The following USP25 variants were observed in gnomAD, a reference collection of about 807,000 sequenced individuals.
The protein encoded by USP25 is ubiquitin specific peptidase 25, also known as ubiquitin carboxyl-terminal hydrolase 25.
A neutral mutation model predicts 158.5 loss-of-function variants in USP25; 85 were observed. That is an observed-to-expected ratio of 0.54 (90% CI 0.45 to 0.64). The LOEUF (loss-of-function observed/expected upper bound fraction) is 0.64. USP25 is among the 30% of genes least tolerant of loss of function. The probability of loss-of-function intolerance (pLI) is 0.00; values close to 1 mark genes in which losing one functional copy is unlikely to be tolerated. For synonymous variants in USP25, 464 were observed against 460.4 expected (o/e 1.01, Z -0.10); for missense variants, 1,242 against 1,327.3 (o/e 0.94, Z 1.00).
intron 5 of USP25, among the ~76,000 whole-genome samples, chr21:15,792,344 G>A (rs1170421170): frequency 1.3e-5 from 2 of 150,900 alleles, no homozygotes; most frequent in African/African-American, 4.9e-5. Flanking sequence ...TATCATTCTC[G>A]GTTGACATTG....
chr21:15,747,820 G>A (rs185078822), intron 1 of USP25, among the ~76,000 whole-genome samples: 101 of 152,208 alleles, frequency 6.6e-4, no homozygotes, highest in Non-Finnish European at 1.3e-3. Flanking sequence ...TTTGGACTAC[G>A]CTTGATCATT....
At chr21:15,803,064 C>G (rs1018675267) in intron 6 of USP25, among the ~76,000 whole-genome samples, 2 of 151,624 alleles carry the variant, frequency 1.3e-5, no homozygotes, top group African/African-American at 4.8e-5. Flanking sequence ...TCAAAGCTCA[C>G]TAGTGAAGAA....
At chr21:15,845,158 T>C (rs892028996) in intron 18 of USP25, among the ~76,000 whole-genome samples, 1 of 152,200 alleles carries the variant, frequency 6.6e-6, no homozygotes, top group African/African-American at 2.4e-5. Flanking sequence ...GGCACATTAA[T>C]GTGGCCGTGG....
chr21:15,783,620 A>G (rs747434932), intron 4 of USP25, among the ~76,000 whole-genome samples: 6 of 152,112 alleles, frequency 3.9e-5, no homozygotes, highest in Non-Finnish European at 8.8e-5. Context: ...ATAAAAATAA[A>G]AACTGTCAGC....
At chr21:15,850,348 C>A (rs2038830256) in intron 20 of USP25, among the ~76,000 whole-genome samples, 1 of 151,554 alleles carries the variant, frequency 6.6e-6, no homozygotes, top group African/African-American at 2.4e-5. Flanking sequence ...TATGTTTCCC[C>A]ATAATTAATT....
Position 15,818,826 on chromosome 21 carries a change from T to A in USP25, c.1060T>A (p.Ser354Thr). The A allele has an allele frequency of 6.2e-7, 1 of 1,613,748 alleles. No individual in the cohort carries two copies. The highest frequency in any genetic ancestry group is 2.2e-5 in the East Asian group (1 of 44,830). The change falls in exon 10 of 26, where the codon TCA becomes ACA. Residue 354 changes from serine (S) to threonine (T), a missense_variant. Physicochemically the swap from Ser to Thr is moderately conservative, Grantham distance 58. Around this residue, in one of 3 missense-constraint regions of USP25, gnomAD observed 627 missense variants for 701.4 expected, o/e 0.89. Transcript: ENST00000400183. ...AATTGAGTCTTTACATTCAGAGAAT[T>A]CAGGAAAATCAGGCCAAGAGGTGAG... is the stretch of plus-strand genomic sequence containing the variant. ...GEIESLHSEN[S>T]GKSGQEHWFT...
At chr21:15,834,040 T>C (rs184802798) in intron 17 of USP25, among the ~76,000 whole-genome samples, 4 of 152,326 alleles carry the variant, frequency 2.6e-5, no homozygotes, top group African/African-American at 9.6e-5. Context: ...TTGATGTTTT[T>C]CGGAATTCTT....
At chr21:15,825,140 G>A in intron 12 of USP25, 79 bp downstream of exon 12, 1 of 1,098,248 alleles carries the variant, frequency 9.1e-7, no homozygotes, top group Non-Finnish European at 1.3e-6. Context: ...TTTCAAATTT[G>A]CTTTGAGTGA....
At position 15,789,814 on chromosome 21, in the gene USP25, A is replaced by G. The variant is rs140356398; in HGVS notation, c.393-1688A>G. Among the ~76,000 whole-genome samples the G allele has an allele frequency of 5.3e-4, 81 of 152,218 alleles. No individual in the cohort carries two copies. The East Asian group carries it at 0.015, about 28-fold the overall frequency. On this transcript the variant is annotated intron_variant, in intron 4 of 25. Transcript: ENST00000400183. ...ATTACAAAAGGAACAAAATTTTCAA[A>G]TGAGAATACTGCCATTTATAAAAGT...
In USP25 at chr21:15,846,388, C is replaced by T. The variant is rs116093797; in HGVS notation, c.2338-1275C>T. 2.3e-3 allele frequency among the ~76,000 whole-genome samples: 356 copies of T among 151,614 alleles called. 5 individuals are homozygous for T. Among genetic ancestry groups the T allele is most frequent in the African/African-American group, 8.3e-3 (345 of 41,368 alleles). On this transcript the variant is annotated intron_variant, in intron 18 of 25. Transcript: ENST00000400183. Reference sequence around the variant, plus strand: ...TGTTGGCTAGGCTGATCTCCAGCTACTGACCTCAAGTGATACGCCCATCTT... The same window carrying T: ...TGTTGGCTAGGCTGATCTCCAGCTATTGACCTCAAGTGATACGCCCATCTT...
At chr21:15,839,497 A>T (rs986268396) in intron 17 of USP25, among the ~76,000 whole-genome samples, 1 of 152,188 alleles carries the variant, frequency 6.6e-6, no homozygotes, top group African/African-American at 2.4e-5. Context: ...TGTTACATTG[A>T]ATAGAGAGTA....
chr21:15,834,424 A>G (rs540826310), intron 17 of USP25, among the ~76,000 whole-genome samples: 23 of 152,116 alleles, frequency 1.5e-4, no homozygotes, highest in Admixed American at 2.6e-4. Flanking sequence ...GCTAGTGGAT[A>G]TTATTGAATA....
At chr21:15,746,472 G>C (rs1216526743) in intron 1 of USP25, among the ~76,000 whole-genome samples, 1 of 151,902 alleles carries the variant, frequency 6.6e-6, no homozygotes, top group Non-Finnish European at 1.5e-5. Context: ...CACTTTCACT[G>C]CAACCGCCGC....
intron 1 of USP25, among the ~76,000 whole-genome samples, chr21:15,750,671 A>G (rs867920103): frequency 3.3e-5 from 5 of 151,508 alleles, no homozygotes; most frequent in South Asian, 2.1e-4. Context: ...CCGTGGCGTG[A>G]TCACGGCTCA....
intron 10 of USP25, 91 bp from the exon 11 acceptor site, chr21:15,823,948 C>G: frequency 7.7e-7 from 1 of 1,298,860 alleles, no homozygotes. Flanking sequence ...ATACATATAA[C>G]AATGTCAGTG....
intron 2 of USP25, 152 bp downstream of exon 2, chr21:15,763,120 A>G (rs1180995968): frequency 6.5e-6 from 4 of 617,566 alleles, no homozygotes; most frequent in Middle Eastern, 2.9e-4. Context: ...CTCAGTTAAC[A>G]CACTGCGGTT....
At chr21:15,813,878 A>G (rs1416314916) in intron 9 of USP25, among the ~76,000 whole-genome samples, 1 of 151,950 alleles carries the variant, frequency 6.6e-6, no homozygotes, top group Non-Finnish European at 1.5e-5. Context: ...ACATGTGGTT[A>G]AATCCATTAG....
intron 4 of USP25, among the ~76,000 whole-genome samples, chr21:15,788,543 G>A (rs927005137): frequency 6.6e-6 from 1 of 152,104 alleles, no homozygotes; most frequent in Admixed American, 6.6e-5. Context: ...GGAGACACTG[G>A]TTGATATTTT....
intron 14 of USP25, among the ~76,000 whole-genome samples, chr21:15,827,695 C>G (rs1229614662): frequency 6.6e-6 from 1 of 151,532 alleles, no homozygotes; most frequent in Non-Finnish European, 1.5e-5. Flanking sequence ...AGAGTTTTTA[C>G]TGGCATGCAG....
Sources: allele counts gnomAD v4.1 joint callset (sites outside exome capture counted in the v4.1 genomes callset), GRCh38; gene constraint gnomAD v4.1.1; regional missense constraint gnomAD v4.1.1; transcripts MANE v1.5; gene names NCBI Gene and HGNC (gene_info 2026-07-23, HGNC 2026-07-21).